The following MAD2L1BP variants were observed in gnomAD, a reference collection of about 807,000 sequenced individuals.
MAD2L1BP encodes MAD2L1 binding protein.
Under a neutral mutation model 28.4 loss-of-function variants are expected in MAD2L1BP, and 22 were observed. That is an observed-to-expected ratio of 0.77 (90% CI 0.55 to 1.10). MAD2L1BP has a LOEUF of 1.10. Ranked by LOEUF, MAD2L1BP falls within the 50% of genes least tolerant of loss-of-function variation. The pLI is 0.00. For synonymous variants in MAD2L1BP, 146 were observed against 133.7 expected (o/e 1.09, Z -0.63); for missense variants, 325 against 350.5 (o/e 0.93, Z 0.58).
chr6:43,633,227 C>CAATGGCATA, upstream of MAD2L1BP: 2 of 430,340 alleles, frequency 4.6e-6, no homozygotes, highest in Non-Finnish European at 9.1e-6. Flanking sequence ...GGCTGGAGCA[C>CAATGGCATA]AATGGCATGA....
chr6:43,632,033 G>C (rs1769952720), upstream of MAD2L1BP, among the ~76,000 whole-genome samples: 1 of 151,960 alleles, frequency 6.6e-6, no homozygotes, highest in Admixed American at 6.6e-5. Context: ...CTGAGTAGCT[G>C]GGATTACAGG....
Position 43,640,651 on chromosome 6 carries a change from C to T in MAD2L1BP, c.*118C>T. ...TCCTGGTGAGAGAGGAAGCAACTCT[C>T]CTTCTGGTTGTCTGCCTCCCCTCAG... On this transcript the variant is annotated 3_prime_UTR_variant, in exon 3 of 3. Coordinates refer to ENST00000372171, the MANE Select transcript of MAD2L1BP (RefSeq NM_014628.3). The T allele has an allele frequency of 9.1e-7, 1 of 1,095,850 alleles. No individual in the cohort carries two copies. The highest frequency in any genetic ancestry group is 1.3e-6 in the Non-Finnish European group (1 of 787,994). 67.9% of individuals were successfully genotyped at this position (1,095,850 alleles called of 1,614,324 possible).
chr6:43,632,045 A>T (rs1769953120), upstream of MAD2L1BP, among the ~76,000 whole-genome samples: 1 of 151,886 alleles, frequency 6.6e-6, no homozygotes. Context: ...GATTACAGGC[A>T]TATGCCACCA....
intron 2 of MAD2L1BP, 84 bp downstream of exon 2, chr6:43,636,730 T>C: frequency 6.7e-7 from 1 of 1,492,100 alleles, no homozygotes; most frequent in South Asian, 1.3e-5. Flanking sequence ...GTCTAAGAAA[T>C]CTTCAAAGCC....
chr6:43,630,582 A>G (rs1303120648), intron 1 of MAD2L1BP, among the ~76,000 whole-genome samples: 2 of 152,072 alleles, frequency 1.3e-5, no homozygotes, highest in Non-Finnish European at 2.9e-5. Context: ...GTCTCTACTA[A>G]AAATACAAAA....
chr6:43,633,993 C>T (rs1202020777), upstream of MAD2L1BP, among the ~76,000 whole-genome samples: 2 of 152,186 alleles, frequency 1.3e-5, no homozygotes, highest in Non-Finnish European at 2.9e-5. Flanking sequence ...TCTCATTCTA[C>T]ACCCTCCCTG....
upstream of MAD2L1BP, chr6:43,633,361 G>A (rs1770034408): frequency 3.2e-6 from 1 of 311,834 alleles, no homozygotes; most frequent in Non-Finnish European, 6.3e-6. Flanking sequence ...TAGTAGAGAC[G>A]GGGTTTCTCC....
intron 1 of MAD2L1BP, chr6:43,629,859 A>G: frequency 7.0e-7 from 1 of 1,435,440 alleles, no homozygotes; most frequent in Non-Finnish European, 9.4e-7. Flanking sequence ...ACCTTTACAT[A>G]GTAGTCACTG....
In MAD2L1BP at chr6:43,635,919, C is replaced by T. The variant is rs1057457317; in HGVS notation, c.44C>T (p.Pro15Leu). Residue 15 changes from proline to leucine, a missense_variant and splice_region_variant, in exon 1 of 3, where the codon CCT (proline) becomes CTT (leucine). Coordinates refer to ENST00000372171, the MANE Select transcript of MAD2L1BP (RefSeq NM_014628.3). ...GAGGTTCTGTCCTCAGCCGCAGTCCCTGGTAAGGCGTGGGGCCAAGAGTTT... is the reference window on the plus strand; with the variant it reads ...GAGGTTCTGTCCTCAGCCGCAGTCCTTGGTAAGGCGTGGGGCCAAGAGTTT... ...EAEVLSSAAV[P>L]DLEWYEKSEE... 6.6e-7 allele frequency: 1 copy of T among 1,510,272 alleles called. No homozygotes were observed. Among genetic ancestry groups the T allele is most frequent in the Non-Finnish European group, 8.8e-7 (1 of 1,134,502 alleles). 93.6% of individuals were successfully genotyped at this position (1,510,272 alleles called of 1,614,324 possible).
At chr6:43,638,067 T>G (rs1177898926) in intron 2 of MAD2L1BP, among the ~76,000 whole-genome samples, 1 of 151,946 alleles carries the variant, frequency 6.6e-6, no homozygotes, top group Non-Finnish European at 1.5e-5. Context: ...CTGGTTAAAT[T>G]TTGTATTTTT....
upstream of MAD2L1BP, chr6:43,635,744 A>G (rs1056329385): frequency 1.2e-6 from 1 of 847,708 alleles, no homozygotes; most frequent in Non-Finnish European, 1.7e-6. Flanking sequence ...GCTCCACTTA[A>G]CCTCCCCCAC....
intron 2 of MAD2L1BP, 98 bp from the exon 3 acceptor site, chr6:43,639,923 C>T (rs1770472195): frequency 9.6e-7 from 1 of 1,038,854 alleles, no homozygotes; most frequent in Non-Finnish European, 1.3e-6. Flanking sequence ...GAAATTAAGT[C>T]CTGTAAGTCT....
intron 2 of MAD2L1BP, among the ~76,000 whole-genome samples, chr6:43,638,648 T>C (rs1052987635): frequency 2.6e-5 from 4 of 151,686 alleles, no homozygotes; most frequent in Admixed American, 1.3e-4. Flanking sequence ...TACAAAAAAT[T>C]AGCCGGGCGT....
At chr6:43,633,707 C>T (rs529343406), upstream of MAD2L1BP, among the ~76,000 whole-genome samples, 1 of 150,518 alleles carries the variant, frequency 6.6e-6, no homozygotes, top group African/African-American at 2.4e-5. Flanking sequence ...TGCCTGGCCC[C>T]ACTTGTCTAT....
chr6:43,629,949 A>G (rs998637712), intron 1 of MAD2L1BP, among the ~76,000 whole-genome samples: 1 of 152,234 alleles, frequency 6.6e-6, no homozygotes, highest in Non-Finnish European at 1.5e-5. Context: ...CGAGACCCGA[A>G]CCCGTAAACC....
At chr6:43,629,603 C>T (rs1769767762) in exon 1 of MAD2L1BP, 3 of 804,436 alleles carry the variant, frequency 3.7e-6, no homozygotes, top group African/African-American at 3.4e-5. Context: ...GAAGAGCTTA[C>T]ATCAGAATCG....
At chr6:43,635,072 A>G (rs1408443684), upstream of MAD2L1BP, among the ~76,000 whole-genome samples, 1 of 152,012 alleles carries the variant, frequency 6.6e-6, no homozygotes, top group Non-Finnish European at 1.5e-5. Flanking sequence ...TCCAATCTCT[A>G]TCCTGCAGCC....
chr6:43,631,939 G>A (rs1337264809), upstream of MAD2L1BP, among the ~76,000 whole-genome samples: 1 of 152,046 alleles, frequency 6.6e-6, no homozygotes, highest in African/African-American at 2.4e-5. Flanking sequence ...CGCTCTTGTT[G>A]CCCAGGCTGG....
At chr6:43,638,910 G>C (rs964271561) in intron 2 of MAD2L1BP, among the ~76,000 whole-genome samples, 3 of 152,158 alleles carry the variant, frequency 2.0e-5, no homozygotes, top group African/African-American at 7.2e-5. Flanking sequence ...TCTTTGTGGG[G>C]ATTGGAAAGT....
Sources: allele counts gnomAD v4.1 joint callset (sites outside exome capture counted in the v4.1 genomes callset), GRCh38; gene constraint gnomAD v4.1.1; transcripts MANE v1.5; gene names NCBI Gene and HGNC (gene_info 2026-07-23, HGNC 2026-07-21).